Variants in CRCT1 observed in about 807,000 individuals in gnomAD.
The protein encoded by CRCT1 is cysteine rich C-terminal 1, also known as cysteine-rich C-terminal protein 1.
For missense variants in CRCT1, 160 were observed against 136.3 expected (o/e 1.17, Z -0.87); for synonymous variants, 86 against 60.3 (o/e 1.43, Z -1.98).
chr1:152,514,741 G>T lies in CRCT1; in HGVS notation c.-23+189G>T, dbSNP rs534636527. ...CAACATAGGAGGTGGTTTTTGCAAG[G>T]GTACACAGCAAGTCCGCAGAAGAGC... On this transcript the variant is annotated intron_variant, in intron 1 of 1. Coordinates refer to ENST00000368790, the MANE Select transcript of CRCT1 (RefSeq NM_019060.3). 2.0e-5 allele frequency among the ~76,000 whole-genome samples: 3 copies of T among 152,226 alleles called. No individual in the cohort carries two copies. The South Asian group carries it at 6.2e-4, about 32-fold the overall frequency.
At position 152,515,483 on chromosome 1, in the gene CRCT1, GCCT is replaced by G. The variant is rs771542507; in HGVS notation, c.113_115del (p.Ser38del). The G allele has an allele frequency of 3.0e-5, 48 of 1,576,370 alleles. No individual in the cohort carries two copies. The highest frequency in any genetic ancestry group is 7.9e-5 in the South Asian group (7 of 88,860). ...CGCCCCGGCGCCCACCCCGGCGCCCGCCTCCTCCTCCTCCTGCTGCGGCTCCGG... is the reference window on the plus strand; with the variant it reads ...CGCCCCGGCGCCCACCCCGGCGCCCGCCTCCTCCTCCTGCTGCGGCTCCGG... On this transcript the variant is annotated inframe_deletion, in exon 2 of 2. Transcript: ENST00000368790.
chr1:152,515,474 C>A lies in CRCT1; in HGVS notation c.91C>A (p.Pro31Thr). 1 of 1,600,960 alleles carries A rather than the reference C, an allele frequency of 6.2e-7. No homozygotes were observed. The highest frequency in any genetic ancestry group is 8.5e-7 in the Non-Finnish European group (1 of 1,176,532). ...PAPCPAPAPT[P>T]APASSSSCCG... is the part of the protein sequence containing the mutation. ...TCCGTGTCCCGCCCCGGCGCCCACC[C>A]CGGCGCCCGCCTCCTCCTCCTCCTG... Residue 31 changes from proline to threonine, a missense_variant, in exon 2 of 2, where the codon CCG becomes ACG. Coordinates refer to ENST00000368790, the MANE Select transcript of CRCT1 (RefSeq NM_019060.3).
chr1:152,515,749 G>A lies in CRCT1; in HGVS notation c.*66G>A, dbSNP rs1325966406. ...CAGCCCAGAGCGGGCCCGCCCCGCT[G>A]CGGCTCCCACGCGGGGCTGGGCCTC... On this transcript the variant is annotated 3_prime_UTR_variant, in exon 2 of 2. Coordinates refer to ENST00000368790, the MANE Select transcript of CRCT1 (RefSeq NM_019060.3). 2.1e-6 allele frequency: 3 copies of A among 1,411,944 alleles called. No homozygotes were observed. Among genetic ancestry groups the A allele is most frequent in the Non-Finnish European group, 2.8e-6 (3 of 1,083,370 alleles). 87.5% of individuals were successfully genotyped at this position (1,411,944 alleles called of 1,614,324 possible). A position where few individuals can be genotyped will look rare whatever the true frequency, so the allele number is the denominator to read the frequency against.
At position 152,515,380 on chromosome 1, in the gene CRCT1, C is replaced by T; in HGVS notation, c.-4C>T. On this transcript the variant is annotated 5_prime_UTR_variant, in exon 2 of 2. Transcript: ENST00000368790. ...CTTCCAGGTTTGTCGTGAGGAGCTC[C>T]GCGATGTCCTCTCAACAGAGCGCCG... The T allele has an allele frequency of 1.3e-6, 2 of 1,511,018 alleles. No homozygotes were observed. The highest frequency in any genetic ancestry group is 1.4e-5 in the African/African-American group (1 of 70,904). The allele number at this position is 1,511,018 out of a possible 1,614,324, so 93.6% of individuals were successfully genotyped here.
chr1:152,515,543 G>T lies in CRCT1; in HGVS notation c.160G>T (p.Gly54Cys), dbSNP rs374162866. ...RGCCGDSGCC[G>C]SSSTSCCCFP... ...CTGCTGCGGCGACTCAGGCTGCTGC[G>T]GCTCCAGCTCCACCAGTTGCTGCTG... Residue 54 changes from glycine to cysteine, a missense_variant, in exon 2 of 2, where the codon GGC becomes TGC. Coordinates refer to ENST00000368790, the MANE Select transcript of CRCT1 (RefSeq NM_019060.3). 1.9e-5 allele frequency: 30 copies of T among 1,595,646 alleles called. No individual in the cohort carries two copies. The Admixed American group carries it at 2.2e-4, about 12-fold the overall frequency.
rs550239485 is a variant in CRCT1 at position 152,515,311 on chromosome 1, T to A, written c.-22-51T>A. ...TCTCAAAAGCCCAGACAGAGTTCCA[T>A]TGGTGGAAAGAAAAAGCCGGCTCGC... On this transcript the variant is annotated intron_variant, in intron 1 of 1. Coordinates refer to ENST00000368790, the MANE Select transcript of CRCT1 (RefSeq NM_019060.3). 2.8e-6 allele frequency: 4 copies of A among 1,407,436 alleles called. No individual in the cohort carries two copies. In the African/African-American group the frequency reaches 4.4e-5, roughly 15 times the overall value. 87.2% of individuals were successfully genotyped at this position (1,407,436 alleles called of 1,614,324 possible).
chr1:152,515,618 G>C lies in CRCT1; in HGVS notation c.235G>C (p.Gly79Arg), dbSNP rs748843625. Reference protein sequence around the residue: ...RQRSSGCCCCGGGSQRSQRSN... With the variant: ...RQRSSGCCCCRGGSQRSQRSN... ...GCGGAGTAGTGGTTGCTGCTGCTGC[G>C]GGGGCGGCAGCCAGAGGTCCCAGCG... The change falls in exon 2 of 2, where the codon GGG becomes CGG. Residue 79 changes from glycine (G) to arginine (R), a missense_variant. Transcript: ENST00000368790. 2 of 1,584,438 alleles carry C rather than the reference G, an allele frequency of 1.3e-6. No individual in the cohort carries two copies. The highest frequency in any genetic ancestry group is 4.6e-5 in the East Asian group (2 of 43,848).
Position 152,516,001 on chromosome 1 carries a change from C to T in CRCT1, c.*318C>T. 1 of 314,246 alleles carries T rather than the reference C, an allele frequency of 3.2e-6. No individual in the cohort carries two copies. 19.5% of individuals were successfully genotyped at this position (314,246 alleles called of 1,614,324 possible). Reference sequence around the variant, plus strand: ...AGATGTCATAATAAAGCTTCTACCTCCTGAGAACACCTTTTATTTGTTCTT... The same window carrying T: ...AGATGTCATAATAAAGCTTCTACCTTCTGAGAACACCTTTTATTTGTTCTT... On this transcript the variant is annotated 3_prime_UTR_variant, in exon 2 of 2. Coordinates refer to ENST00000368790, the MANE Select transcript of CRCT1 (RefSeq NM_019060.3).
chr1:152,514,693 A>C (rs1349850457), intron 1 of CRCT1, 141 bp downstream of exon 1: 3 of 152,386 alleles, frequency 2.0e-5, no homozygotes, highest in Admixed American at 6.5e-5. Context: ...CAACCTCTTA[A>C]GGTACTAATG....
Position 152,515,401 on chromosome 1 carries a change from C to A in CRCT1, c.18C>A (p.Ser6Arg). The A allele has an allele frequency of 2.6e-6, 4 of 1,555,460 alleles. No homozygotes were observed. The highest frequency in any genetic ancestry group is 2.6e-6 in the Non-Finnish European group (3 of 1,154,972). Residue 6 changes from serine (S) to arginine (R), a missense_variant, in exon 2 of 2, where the codon AGC becomes AGA. Coordinates refer to ENST00000368790, the MANE Select transcript of CRCT1 (RefSeq NM_019060.3). MSSQQ[S>R]AVSAKGFSKG... is the part of the protein sequence containing the mutation. Reference sequence around the variant, plus strand: ...GCTCCGCGATGTCCTCTCAACAGAGCGCCGTTTCCGCCAAAGGCTTTTCCA... The same window carrying A: ...GCTCCGCGATGTCCTCTCAACAGAGAGCCGTTTCCGCCAAAGGCTTTTCCA...
In CRCT1 at chr1:152,514,515, G is replaced by A. The variant is rs1308390037; in HGVS notation, c.-60G>A. 6.6e-6 allele frequency: 1 copy of A among 152,212 alleles called. No individual in the cohort carries two copies. Among genetic ancestry groups the A allele is most frequent in the African/African-American group, 2.4e-5 (1 of 41,428 alleles). The allele number at this position is 152,212 out of a possible 1,614,324, so 9.4% of individuals were successfully genotyped here. A position where few individuals can be genotyped will look rare whatever the true frequency, so the allele number is the denominator to read the frequency against. ...GCCTAGCAGGTGGCCCATTCCAGTT[G>A]GAGAACGTAGTGAGTCTTTCAGTGG... On this transcript the variant is annotated 5_prime_UTR_variant, in exon 1 of 2. Coordinates refer to ENST00000368790, the MANE Select transcript of CRCT1 (RefSeq NM_019060.3).
At chr1:152,514,746 A>C (rs905587448) in intron 1 of CRCT1, among the ~76,000 whole-genome samples, 194 bp downstream of exon 1, 1 of 152,194 alleles carries the variant, frequency 6.6e-6, no homozygotes, top group Non-Finnish European at 1.5e-5. Context: ...GCAAGGGTAC[A>C]CAGCAAGTCC....
At position 152,514,535 on chromosome 1, in the gene CRCT1, C is replaced by G. The variant is rs1452671240; in HGVS notation, c.-40C>G. ...CAGTTGGAGAACGTAGTGAGTCTTT[C>G]AGTGGAGCCAGGGTCTGGTAAGTCT... is the stretch of plus-strand genomic sequence containing the variant. On this transcript the variant is annotated 5_prime_UTR_variant, in exon 1 of 2. Transcript: ENST00000368790. 1 of 152,140 alleles carries G rather than the reference C, an allele frequency of 6.6e-6. No homozygotes were observed. Among genetic ancestry groups the G allele is most frequent in the East Asian group, 1.9e-4 (1 of 5,180 alleles). 9.4% of individuals were successfully genotyped at this position (152,140 alleles called of 1,614,324 possible). A position where few individuals can be genotyped will look rare whatever the true frequency, so the allele number is the denominator to read the frequency against.
In CRCT1 at chr1:152,515,612, T is replaced by C. The variant is rs1658730856; in HGVS notation, c.229T>C (p.Cys77Arg). The C allele has an allele frequency of 1.3e-6, 2 of 1,588,680 alleles. No homozygotes were observed. Among genetic ancestry groups the C allele is most frequent in the African/African-American group, 1.3e-5 (1 of 74,388 alleles). ...RRRQRSSGCC[C>R]CGGGSQRSQR... The stretch of plus-strand genomic sequence containing the variant: ...CCGACAGCGGAGTAGTGGTTGCTGC[T>C]GCTGCGGGGGCGGCAGCCAGAGGTC... The change falls in exon 2 of 2, where the codon TGC becomes CGC. Residue 77 changes from cysteine (C) to arginine (R), a missense_variant. By Grantham distance (180) the Cys-to-Arg change is radical. Coordinates refer to ENST00000368790, the MANE Select transcript of CRCT1 (RefSeq NM_019060.3).
chr1:152,515,949 A>T lies in CRCT1; in HGVS notation c.*266A>T. The T allele has an allele frequency of 2.4e-6, 1 of 425,020 alleles. No homozygotes were observed. The highest frequency in any genetic ancestry group is 2.1e-5 in the African/African-American group (1 of 48,762). The allele number at this position is 425,020 out of a possible 1,614,324, so 26.3% of individuals were successfully genotyped here. ...CTTGCACACAGCAGGTGCTCAGCAAATGTCTATTGATTTGATTGTCTTTTG... is the reference window on the plus strand; with the variant it reads ...CTTGCACACAGCAGGTGCTCAGCAATTGTCTATTGATTTGATTGTCTTTTG... On this transcript the variant is annotated 3_prime_UTR_variant, in exon 2 of 2. Transcript: ENST00000368790.
chr1:152,515,264 C>T (rs1349232298), intron 1 of CRCT1, 98 bp from the exon 2 acceptor site: 1 of 1,055,120 alleles, frequency 9.5e-7, no homozygotes, highest in African/African-American at 1.6e-5. Context: ...CCAGGCCAGG[C>T]TGACTTGTAC....
In CRCT1 at chr1:152,515,451, C is replaced by T. The variant is rs143986265; in HGVS notation, c.68C>T (p.Pro23Leu). The change falls in exon 2 of 2, where the codon CCG becomes CTG. Residue 23 changes from proline to leucine, a missense_variant. Coordinates refer to ENST00000368790, the MANE Select transcript of CRCT1 (RefSeq NM_019060.3). ...AAGGGGTCGTCCCAGGGCCCCGCTC[C>T]GTGTCCCGCCCCGGCGCCCACCCCG... ...FSKGSSQGPAPCPAPAPTPAP... is the reference protein window; with the variant it reads ...FSKGSSQGPALCPAPAPTPAP... The T allele has an allele frequency of 1.1e-5, 18 of 1,602,724 alleles. No individual in the cohort carries two copies. The African/African-American group carries it at 2.1e-4, about 19-fold the overall frequency.
In CRCT1 at chr1:152,515,833, G is replaced by T; in HGVS notation, c.*150G>T. 7.6e-7 allele frequency: 1 copy of T among 1,320,584 alleles called. No individual in the cohort carries two copies. Among genetic ancestry groups the T allele is most frequent in the Non-Finnish European group, 9.9e-7 (1 of 1,005,450 alleles). 81.8% of individuals were successfully genotyped at this position (1,320,584 alleles called of 1,614,324 possible). A position where few individuals can be genotyped will look rare whatever the true frequency, so the allele number is the denominator to read the frequency against. ...TGTTCAGAAACCCACTTTGTTCTCAGCCACGCAAAACTCCCTGACCCCGAT... is the reference window on the plus strand; with the variant it reads ...TGTTCAGAAACCCACTTTGTTCTCATCCACGCAAAACTCCCTGACCCCGAT... On this transcript the variant is annotated 3_prime_UTR_variant, in exon 2 of 2. Coordinates refer to ENST00000368790, the MANE Select transcript of CRCT1 (RefSeq NM_019060.3).
chr1:152,515,569 C>T lies in CRCT1; in HGVS notation c.186C>T (p.Cys62=). Residue 62 remains cysteine, a synonymous_variant, in exon 2 of 2, where the codon TGC becomes TGT. Coordinates refer to ENST00000368790, the MANE Select transcript of CRCT1 (RefSeq NM_019060.3). ...GCTCCAGCTCCACCAGTTGCTGCTGCTTCCCAAGGAGACGCCGCCGACAGC... is the reference window on the plus strand; with the variant it reads ...GCTCCAGCTCCACCAGTTGCTGCTGTTTCCCAAGGAGACGCCGCCGACAGC... ...CCGSSSTSCC[C]FPRRRRRQRS... 1 of 1,596,014 alleles carries T rather than the reference C, an allele frequency of 6.3e-7. No individual in the cohort carries two copies. The highest frequency in any genetic ancestry group is 8.5e-7 in the Non-Finnish European group (1 of 1,176,534).
Sources: gnomAD v4.1 joint callset for allele counts (sites outside exome capture counted in the v4.1 genomes callset) on GRCh38, gnomAD v4.1.1 for gene constraint, MANE v1.5 for transcripts, NCBI Gene and HGNC (gene_info 2026-07-23, HGNC 2026-07-21) for gene names.